Variants in PLCL2 observed in about 807,000 individuals in gnomAD.
PLCL2 encodes the protein phospholipase C like 2, also known as inactive phospholipase C-like protein 2.
Under a neutral mutation model 79.6 loss-of-function variants are expected in PLCL2, and 4 were observed. The observed-to-expected ratio is 0.05, with a 90% CI of 0.02 to 0.11. PLCL2 has a LOEUF of 0.11. Ranked by LOEUF, PLCL2 falls within the 10% of genes least tolerant of loss-of-function variation. PLCL2 has a pLI of 1.00. For missense variants in PLCL2, 895 were observed against 1,291.0 expected (o/e 0.69, Z 4.70); for synonymous variants, 484 against 457.7 (o/e 1.06, Z -0.73).
rs775565638 is a variant in PLCL2 at position 17,014,908 on chromosome 3, C to T, written c.3015C>T (p.Asp1005=). ...EVLKKIVTTY[D]MMIQSLKALI... ...TGAAGAAGATCGTAACAACTTATGA[C>T]ATGGTGAGTTGTCCTTTGTCCGTTT... The change falls in exon 3 of 6, where the codon GAC becomes GAT. Residue 1005 remains aspartate (D), a synonymous_variant. Coordinates refer to ENST00000615277, the MANE Select transcript of PLCL2 (RefSeq NM_001144382.2). 2.5e-6 allele frequency: 4 copies of T among 1,611,100 alleles called. No individual in the cohort carries two copies. In the Admixed American group the frequency reaches 5.0e-5, roughly 20 times the overall value.
chr3:16,969,769 C>T (rs543207796), intron 1 of PLCL2, among the ~76,000 whole-genome samples: 7 of 151,724 alleles, frequency 4.6e-5, no homozygotes, highest in African/African-American at 1.7e-4. Flanking sequence ...TGGTTCTTTT[C>T]TTCTGCTAGC....
intron 1 of PLCL2, among the ~76,000 whole-genome samples, chr3:16,952,782 C>T (rs1210849996): frequency 6.6e-6 from 1 of 151,130 alleles, no homozygotes; most frequent in East Asian, 1.9e-4. Context: ...GATTATTTAC[C>T]TTATAATAAA....
intron 3 of PLCL2, among the ~76,000 whole-genome samples, chr3:17,038,213 G>A (rs1424536847): frequency 6.6e-6 from 1 of 152,126 alleles, no homozygotes; most frequent in East Asian, 1.9e-4. Flanking sequence ...TTTAGTTCCA[G>A]AAATGTAGGA....
In PLCL2 at chr3:16,894,198, T is replaced by A. The variant is rs534681546; in HGVS notation, c.327+8832T>A. On this transcript the variant is annotated intron_variant, in intron 1 of 5. Transcript: ENST00000615277. ...CAAGTTATTTATATGATTTAATGTT[T>A]ATTATTGAATAAAGGATATTGCTTA... 4.3e-4 allele frequency among the ~76,000 whole-genome samples: 65 copies of A among 152,358 alleles called. 2 individuals carry two copies. In the South Asian group the frequency reaches 0.013, roughly 30 times the overall value.
intron 1 of PLCL2, among the ~76,000 whole-genome samples, chr3:16,974,931 A>G (rs2063908574): frequency 6.6e-6 from 1 of 152,192 alleles, no homozygotes; most frequent in African/African-American, 2.4e-5. Flanking sequence ...TGGCCCAGAC[A>G]CTTGGAATTC....
At chr3:16,954,952 A>G (rs960256913) in intron 1 of PLCL2, among the ~76,000 whole-genome samples, 1 of 152,166 alleles carries the variant, frequency 6.6e-6, no homozygotes, top group Non-Finnish European at 1.5e-5. Flanking sequence ...GTAGGTTGTA[A>G]AAATGTTCTC....
chr3:17,072,001 AT>A (rs2065064868), intron 5 of PLCL2, among the ~76,000 whole-genome samples: 2 of 152,010 alleles, frequency 1.3e-5, no homozygotes, highest in Non-Finnish European at 2.9e-5. Flanking sequence ...TAATTTTTGT[AT>A]GTTTAGTAGA....
chr3:17,044,554 A>G (rs2064761545), intron 4 of PLCL2, among the ~76,000 whole-genome samples: 2 of 152,324 alleles, frequency 1.3e-5, no homozygotes, highest in East Asian at 3.9e-4. Flanking sequence ...AAACAGGATA[A>G]TAACCTCCTA....
chr3:17,048,842 A>G (rs4685421), intron 4 of PLCL2, among the ~76,000 whole-genome samples: 90,530 of 151,972 alleles, frequency 0.6, 27,473 homozygotes, highest in African/African-American at 0.71. Flanking sequence ...CATAAACCTT[A>G]AGTAACACCA....
intron 5 of PLCL2, among the ~76,000 whole-genome samples, chr3:17,074,348 T>C (rs554691368): frequency 2.5e-4 from 38 of 152,340 alleles, no homozygotes; most frequent in Admixed American, 1.4e-3. Flanking sequence ...GGGCTTAAAA[T>C]ATTCAGGAAA....
chr3:17,036,020 T>C (rs1055871181), intron 3 of PLCL2, among the ~76,000 whole-genome samples: 1 of 152,142 alleles, frequency 6.6e-6, no homozygotes, highest in African/African-American at 2.4e-5. Flanking sequence ...GGAAATGAAG[T>C]TTCATAAGAA....
At chr3:17,017,160 A>T (rs2064394514) in intron 3 of PLCL2, among the ~76,000 whole-genome samples, 1 of 152,156 alleles carries the variant, frequency 6.6e-6, no homozygotes, top group African/African-American at 2.4e-5. Flanking sequence ...GGATTGGTAG[A>T]TGCTAGCTCT....
At chr3:16,908,391 TA>T (rs1575522877) in intron 1 of PLCL2, among the ~76,000 whole-genome samples, 1 of 152,198 alleles carries the variant, frequency 6.6e-6, no homozygotes, top group African/African-American at 2.4e-5. Flanking sequence ...GGCATAGCTT[TA>T]AAAAAATTAG....
intron 1 of PLCL2, among the ~76,000 whole-genome samples, chr3:16,994,768 T>G (rs1299061278): frequency 6.6e-6 from 1 of 152,194 alleles, no homozygotes; most frequent in Non-Finnish European, 1.5e-5. Context: ...GACATCCCCC[T>G]TCTACCACCG....
chr3:17,081,221 C>G, intron 5 of PLCL2: 1 of 456,724 alleles, frequency 2.2e-6, no homozygotes, highest in South Asian at 1.5e-5. Context: ...TATTTTTGTG[C>G]CTCAGACTCC....
At chr3:17,005,568 A>G (rs940832115) in intron 1 of PLCL2, among the ~76,000 whole-genome samples, 18 of 152,206 alleles carry the variant, frequency 1.2e-4, no homozygotes, top group African/African-American at 3.9e-4. Context: ...TTAATGCTAA[A>G]TATGAGTCGT....
At chr3:16,992,653 C>T (rs1017976708) in intron 1 of PLCL2, among the ~76,000 whole-genome samples, 1 of 152,270 alleles carries the variant, frequency 6.6e-6, no homozygotes, top group Non-Finnish European at 1.5e-5. Flanking sequence ...TCCTGCATAG[C>T]GAAGCAGGTG....
intron 3 of PLCL2, among the ~76,000 whole-genome samples, chr3:17,037,757 T>C (rs960134303): frequency 1.3e-5 from 2 of 152,210 alleles, no homozygotes; most frequent in Admixed American, 1.3e-4. Flanking sequence ...AAATCTGTGT[T>C]CTTAAGATGA....
At chr3:17,075,217 A>G (rs2065097688) in intron 5 of PLCL2, among the ~76,000 whole-genome samples, 2 of 152,090 alleles carry the variant, frequency 1.3e-5, no homozygotes, top group Non-Finnish European at 2.9e-5. Flanking sequence ...TCATATTGTT[A>G]TGTCTCAGGA....
Sources: gnomAD v4.1 joint callset for allele counts (sites outside exome capture counted in the v4.1 genomes callset) on GRCh38, gnomAD v4.1.1 for gene constraint, MANE v1.5 for transcripts, NCBI Gene and HGNC (gene_info 2026-07-23, HGNC 2026-07-21) for gene names.